The following LRP2 variants were observed in gnomAD, a reference collection of about 807,000 sequenced individuals.
LRP2 encodes the protein low-density lipoprotein receptor-related protein 2.
LRP2 carries 172 observed loss-of-function variants against 531.0 expected under a neutral mutation model. The ratio of observed to expected loss-of-function variants is 0.32; its 90% CI spans 0.29 to 0.37. The LOEUF (loss-of-function observed/expected upper bound fraction) is 0.37, where lower values mean the gene tolerates loss of function less well. Among genes scored for constraint, LRP2 ranks in the 10% least tolerant of loss-of-function variants. LRP2 has a pLI of 1.00. For synonymous variants in LRP2, 1,992 were observed against 2,027.6 expected (o/e 0.98, Z 0.47); for missense variants, 5,167 against 5,868.3 (o/e 0.88, Z 3.90).
At chr2:169,235,800 G>A (rs1252367844) in intron 29 of LRP2, 40 bp downstream of exon 29, 16 of 1,453,820 alleles carry the variant, frequency 1.1e-5, no homozygotes, top group African/African-American at 4.2e-5. Flanking sequence ...ACCTATCCAC[G>A]ACTGTAGTTT....
At chr2:169,267,379 A>G (rs1683244926) in intron 16 of LRP2, among the ~76,000 whole-genome samples, 1 of 152,166 alleles carries the variant, frequency 6.6e-6, no homozygotes, top group Non-Finnish European at 1.5e-5. Flanking sequence ...AGCAAATGTA[A>G]AAGAACAGAA....
In LRP2 at chr2:169,291,532, T is replaced by C. The variant is rs895166113; in HGVS notation, c.770-535A>G. 8.5e-5 allele frequency among the ~76,000 whole-genome samples: 13 copies of C among 152,236 alleles called. 1 individual carries two copies. Among genetic ancestry groups the C allele is most frequent in the Admixed American group, 5.2e-4 (8 of 15,288 alleles). Reference sequence around the variant, plus strand: ...ATACCTGGGATTGGAATGGTGCAGGTAACTTGCTGTAGGGTATGGGTATTA... The same window carrying C: ...ATACCTGGGATTGGAATGGTGCAGGCAACTTGCTGTAGGGTATGGGTATTA... On this transcript the variant is annotated intron_variant, in intron 7 of 78. Coordinates refer to ENST00000649046, the MANE Select transcript of LRP2 (RefSeq NM_004525.3).
intron 44 of LRP2, 152 bp downstream of exon 44, chr2:169,201,476 T>G (rs1688199549): frequency 1.2e-6 from 1 of 861,422 alleles, no homozygotes; most frequent in African/African-American, 1.7e-5. Flanking sequence ...TATTTGTTGA[T>G]ACTTGCTACC....
At chr2:169,265,267 C>A (rs1379613657) in intron 16 of LRP2, among the ~76,000 whole-genome samples, 1 of 152,034 alleles carries the variant, frequency 6.6e-6, no homozygotes, top group Non-Finnish European at 1.5e-5. Context: ...TTGACCATCT[C>A]CAGAAAAGAC....
rs572516239 is a variant in LRP2 at position 169,337,587 on chromosome 2, G to A, written c.80-16703C>T. Among the ~76,000 whole-genome samples the A allele has an allele frequency of 3.3e-5, 5 of 152,192 alleles. No individual in the cohort carries two copies. The South Asian group carries it at 1.0e-3, about 32-fold the overall frequency. On this transcript the variant is annotated intron_variant, in intron 1 of 78. Coordinates refer to ENST00000649046, the MANE Select transcript of LRP2 (RefSeq NM_004525.3). Reference sequence around the variant, plus strand: ...TATTGCAAAAACAATGACTCCAAAGGCCTCAAGAGAATCCATTAACACGTG... The same window carrying A: ...TATTGCAAAAACAATGACTCCAAAGACCTCAAGAGAATCCATTAACACGTG...
chr2:169,183,457 A>G (rs140623632), intron 50 of LRP2, among the ~76,000 whole-genome samples: 138 of 152,294 alleles, frequency 9.1e-4, no homozygotes, highest in African/African-American at 3.3e-3. Context: ...CAGGCCTCAG[A>G]CCAGGGACTT....
At chr2:169,173,022 C>T (rs866427158) in intron 57 of LRP2, 74 bp downstream of exon 57, 2 of 1,564,646 alleles carry the variant, frequency 1.3e-6, no homozygotes, top group Admixed American at 1.7e-5. Flanking sequence ...ACACTCTCAT[C>T]TCTCATCTAA....
chr2:169,295,280 C>T (rs1007476258), intron 4 of LRP2, among the ~76,000 whole-genome samples: 1 of 152,206 alleles, frequency 6.6e-6, no homozygotes, highest in South Asian at 2.1e-4. Flanking sequence ...GTTGCTACTT[C>T]CCTATCTGCA....
At chr2:169,288,895 G>GT (rs1683927132) in intron 9 of LRP2, 131 bp downstream of exon 9, 2 of 1,403,170 alleles carry the variant, frequency 1.4e-6, no homozygotes, top group African/African-American at 2.8e-5. Context: ...TTTCTGTGAG[G>GT]TCTGGGTTGC....
At chr2:169,358,310 TC>T (rs2105587421) in intron 1 of LRP2, among the ~76,000 whole-genome samples, 1 of 152,192 alleles carries the variant, frequency 6.6e-6, no homozygotes, top group Non-Finnish European at 1.5e-5. Context: ...CCTTTCATCC[TC>T]TCAGCCCCTT....
At chr2:169,362,062 T>C (rs551606112) in intron 1 of LRP2, among the ~76,000 whole-genome samples, 1 of 152,310 alleles carries the variant, frequency 6.6e-6, no homozygotes, top group African/African-American at 2.4e-5. Flanking sequence ...AAAGACAGGG[T>C]CTCCGTGGGG....
chr2:169,191,787 T>C (rs1429501275), intron 48 of LRP2, 45 bp downstream of exon 48: 2 of 1,565,796 alleles, frequency 1.3e-6, no homozygotes, highest in Non-Finnish European at 1.8e-6. Context: ...CCAGCCCCCA[T>C]GGACATTTGA....
chr2:169,313,591 C>T (rs1376350081), intron 3 of LRP2, among the ~76,000 whole-genome samples: 2 of 152,200 alleles, frequency 1.3e-5, no homozygotes, highest in African/African-American at 2.4e-5. Flanking sequence ...CAGAGGGGCA[C>T]CTGGCCGTAT....
chr2:169,296,145 A>T (rs1207689261), intron 4 of LRP2, among the ~76,000 whole-genome samples: 1 of 152,056 alleles, frequency 6.6e-6, no homozygotes, highest in Non-Finnish European at 1.5e-5. Flanking sequence ...CTCTCCAATG[A>T]TCTTTTTTTT....
At chr2:169,296,292 G>A (rs1367624010) in intron 4 of LRP2, among the ~76,000 whole-genome samples, 1 of 152,068 alleles carries the variant, frequency 6.6e-6, no homozygotes, top group Non-Finnish European at 1.5e-5. Flanking sequence ...TTTTTAAATA[G>A]CTGGTTAAAA....
chr2:169,287,829 T>C (rs2105462715), intron 9 of LRP2, among the ~76,000 whole-genome samples: 1 of 148,790 alleles, frequency 6.7e-6, no homozygotes, highest in East Asian at 2.0e-4. Context: ...CAAATAGTTC[T>C]AAAATATTAA....
intron 67 of LRP2, 137 bp from the exon 68 acceptor site, chr2:169,151,163 C>A (rs1574074571): frequency 1.1e-6 from 1 of 919,966 alleles, no homozygotes; most frequent in East Asian, 2.4e-5. Context: ...CATAGTCCCC[C>A]TCTCTTGGGG....
At position 169,226,441 on chromosome 2, in the gene LRP2, A is replaced by C; in HGVS notation, c.5375T>G (p.Ile1792Ser). The change falls in exon 32 of 79, where the codon ATC (isoleucine) becomes AGC (serine). Residue 1792 changes from isoleucine (I) to serine (S), a missense_variant. Around this residue, in one of 6 missense-constraint regions of LRP2, gnomAD observed 2,811 missense variants for 3,058.0 expected, o/e 0.92. Coordinates refer to ENST00000649046, the MANE Select transcript of LRP2 (RefSeq NM_004525.3). Reference protein sequence around the residue: ...DVEFDDAEQYIYWVENPGEIH... With the variant: ...DVEFDDAEQYSYWVENPGEIH... ...ACTTACTGGATTTTCAACCCAATAG[A>C]TGTATTGCTCAGCATCATCAAATTC... The C allele has an allele frequency of 6.2e-7, 1 of 1,613,604 alleles. No individual in the cohort carries two copies. Among genetic ancestry groups the C allele is most frequent in the African/African-American group, 1.3e-5 (1 of 75,044 alleles).
At chr2:169,241,752 A>G (rs998752082) in intron 24 of LRP2, among the ~76,000 whole-genome samples, 1 of 152,234 alleles carries the variant, frequency 6.6e-6, no homozygotes, top group Non-Finnish European at 1.5e-5. Flanking sequence ...TTAAATAGCT[A>G]TGATTACTTT....
Sources: gnomAD v4.1 joint callset for allele counts (sites outside exome capture counted in the v4.1 genomes callset) on GRCh38, gnomAD v4.1.1 for gene constraint, gnomAD v4.1.1 regional missense constraint, MANE v1.5 for transcripts, NCBI Gene and HGNC (gene_info 2026-07-23, HGNC 2026-07-21) for gene names.